The following CD55 variants were observed in gnomAD, a reference collection of about 807,000 sequenced individuals.
The protein encoded by CD55 is CD55 molecule (Cromer blood group).
Under a neutral mutation model 45.8 loss-of-function variants are expected in CD55, and 41 were observed. That is an observed-to-expected ratio of 0.90 (90% CI 0.70 to 1.16). The LOEUF (loss-of-function observed/expected upper bound fraction) is 1.16, where lower values mean the gene tolerates loss of function less well. Among genes scored for constraint, CD55 ranks in the 50% most tolerant of loss-of-function variants. The pLI is 0.00. For synonymous variants in CD55, 181 were observed against 181.1 expected, an observed-to-expected ratio of 1.00 and a Z score of 0.01; for missense variants, 416 against 469.8, an observed-to-expected ratio of 0.89 and a Z score of 1.06.
At chr1:207,337,627 G>T (rs930549825) in intron 8 of CD55, 30 of 387,290 alleles carry the variant, frequency 7.7e-5, no homozygotes, top group Non-Finnish European at 1.3e-4. Context: ...AAAGACTGTG[G>T]CCCCATTAAA....
Position 207,360,707 on chromosome 1 carries a change from A to T in CD55, c.*1097A>T, listed in dbSNP as rs933437992. The T allele has an allele frequency of 6.6e-6, 1 of 152,040 alleles. No homozygotes were observed. The highest frequency in any genetic ancestry group is 2.4e-5 in the African/African-American group (1 of 41,394). 9.4% of individuals were successfully genotyped at this position (152,040 alleles called of 1,614,324 possible). ...AGAGTATCTATATTACTTGTTACTGATTTACCTGAAGGCAATCTGATTAAT... is the reference window on the plus strand; with the variant it reads ...AGAGTATCTATATTACTTGTTACTGTTTTACCTGAAGGCAATCTGATTAAT... On this transcript the variant is annotated 3_prime_UTR_variant, in exon 10 of 10. Coordinates refer to ENST00000367064, the MANE Select transcript of CD55 (RefSeq NM_000574.5).
At chr1:207,330,054 A>G (rs576923028) in intron 5 of CD55, among the ~76,000 whole-genome samples, 6 of 152,106 alleles carry the variant, frequency 3.9e-5, no homozygotes, top group African/African-American at 1.4e-4. Context: ...ACTAGCTTTT[A>G]AGACATAGGA....
At chr1:207,331,452 T>TA (rs1654942537) in intron 6 of CD55, among the ~76,000 whole-genome samples, 156 bp downstream of exon 6, 1 of 149,870 alleles carries the variant, frequency 6.7e-6, no homozygotes, top group Admixed American at 6.7e-5. Flanking sequence ...CTACAGCTTC[T>TA]CAGAAGGGTC....
intron 9 of CD55, among the ~76,000 whole-genome samples, chr1:207,344,989 T>A (rs1373689224): frequency 2.6e-5 from 4 of 152,192 alleles, no homozygotes; most frequent in African/African-American, 9.7e-5. Flanking sequence ...GTGCTGGGAT[T>A]ACAGGCATGA....
At chr1:207,323,490 C>G (rs1018856757) in intron 2 of CD55, among the ~76,000 whole-genome samples, 6 of 152,020 alleles carry the variant, frequency 3.9e-5, no homozygotes, top group Admixed American at 6.5e-5. Flanking sequence ...GTCATCCACA[C>G]CTTATGTGCC....
chr1:207,322,128 C>A, intron 1 of CD55: 1 of 646,558 alleles, frequency 1.5e-6, no homozygotes, highest in South Asian at 1.8e-5. Context: ...GCAGCCAAGC[C>A]TGGCAAAATC....
Position 207,359,811 on chromosome 1 carries a change from C to A in CD55, c.*201C>A. 4.3e-6 allele frequency: 2 copies of A among 462,480 alleles called. No individual in the cohort carries two copies. The highest frequency in any genetic ancestry group is 7.2e-6 in the Non-Finnish European group (2 of 279,272). The allele number at this position is 462,480 out of a possible 1,614,324, so 28.6% of individuals were successfully genotyped here. A position where few individuals can be genotyped will look rare whatever the true frequency, so the allele number is the denominator to read the frequency against. On this transcript the variant is annotated 3_prime_UTR_variant, in exon 10 of 10. Coordinates refer to ENST00000367064, the MANE Select transcript of CD55 (RefSeq NM_000574.5). ...GAATCACATTCTTAGCACACCTACA[C>A]CTCTTGAAAATAGAACAACTTGCAG...
chr1:207,341,819 C>T (rs949527638), intron 9 of CD55, among the ~76,000 whole-genome samples: 1 of 151,468 alleles, frequency 6.6e-6, no homozygotes, highest in Non-Finnish European at 1.5e-5. Flanking sequence ...TGTACTGAAT[C>T]TTTAGATTGC....
chr1:207,324,699 C>G lies in CD55; in HGVS notation c.427C>G (p.Leu143Val), dbSNP rs1304361116. ...AAGAGAACCTTCTCTATCACCAAAA[C>G]TAACTTGCCTTCAGAATTTAAAATG... ...YRREPSLSPK[L>V]TCLQNLKWST... is the part of the protein sequence containing the mutation. Residue 143 changes from leucine (L) to valine (V), a missense_variant, in exon 3 of 10, where the codon CTA becomes GTA. Physicochemically the swap from Leu to Val is conservative, Grantham distance 32 (BLOSUM62 1). Around this residue, in one of 3 missense-constraint regions of CD55, gnomAD observed 111 missense variants for 163.4 expected, o/e 0.68. Transcript: ENST00000367064. 1.2e-6 allele frequency: 2 copies of G among 1,613,514 alleles called. No individual in the cohort carries two copies. The highest frequency in any genetic ancestry group is 8.5e-7 in the Non-Finnish European group (1 of 1,179,748).
chr1:207,360,388 TTATTTA>T lies in CD55; in HGVS notation c.*780_*785del, dbSNP rs1656253118. The stretch of plus-strand genomic sequence containing the variant: ...ATTCTTTTGTAATATTTATTTATAT[TTATTTA>T]TGACAGTGAACATTCTGATTTTACA... On this transcript the variant is annotated 3_prime_UTR_variant, in exon 10 of 10. Coordinates refer to ENST00000367064, the MANE Select transcript of CD55 (RefSeq NM_000574.5). The T allele has an allele frequency of 6.6e-6, 1 of 152,150 alleles. No homozygotes were observed. Among genetic ancestry groups the T allele is most frequent in the Non-Finnish European group, 1.5e-5 (1 of 67,998 alleles). The allele number at this position is 152,150 out of a possible 1,614,324, so 9.4% of individuals were successfully genotyped here. A position where few individuals can be genotyped will look rare whatever the true frequency, so the allele number is the denominator to read the frequency against.
chr1:207,323,974 C>G (rs1357144317), intron 2 of CD55, among the ~76,000 whole-genome samples: 2 of 152,192 alleles, frequency 1.3e-5, no homozygotes, highest in Non-Finnish European at 2.9e-5. Flanking sequence ...GATGACCCTT[C>G]CACTTGACCA....
chr1:207,347,903 GACATGATTTCATTCC>G (rs1171376886), intron 9 of CD55, among the ~76,000 whole-genome samples: 1 of 152,134 alleles, frequency 6.6e-6, no homozygotes, highest in African/African-American at 2.4e-5. Context: ...TACTGCAAAG[GACATGATTTCATTCC>G]TTTCTATGTT....
chr1:207,340,509 G>T, intron 9 of CD55: 1 of 695,982 alleles, frequency 1.4e-6, no homozygotes, highest in Non-Finnish European at 2.6e-6. Context: ...GGTACTACAG[G>T]TGTGTGCCAC....
chr1:207,347,924 ATGTT>A (rs1250012758), intron 9 of CD55, among the ~76,000 whole-genome samples: 2 of 152,106 alleles, frequency 1.3e-5, no homozygotes, highest in African/African-American at 4.8e-5. Context: ...ATTCCTTTCT[ATGTT>A]TGTGTAATAT....
At chr1:207,329,248 A>G (rs1209754319) in intron 5 of CD55, among the ~76,000 whole-genome samples, 2 of 152,164 alleles carry the variant, frequency 1.3e-5, no homozygotes, top group Non-Finnish European at 2.9e-5. Flanking sequence ...CATCCCACCA[A>G]CAGGGGAGAA....
chr1:207,350,080 G>T lies in CD55; in HGVS notation c.1082-9466G>T, dbSNP rs147641750. 6.6e-6 allele frequency: 3 copies of T among 453,818 alleles called. No homozygotes were observed. The East Asian group carries it at 2.1e-4, about 32-fold the overall frequency. The allele number at this position is 453,818 out of a possible 1,614,324, so 28.1% of individuals were successfully genotyped here. On this transcript the variant is annotated intron_variant, in intron 9 of 9. Transcript: ENST00000367064. ...CTTTTAACATGAAGGGATGTTGAAT[G>T]TTGTCAAAAGCCTTTTCTACAACAA...
At chr1:207,350,720 T>G (rs1655834849) in intron 9 of CD55, among the ~76,000 whole-genome samples, 1 of 152,122 alleles carries the variant, frequency 6.6e-6, no homozygotes, top group African/African-American at 2.4e-5. Context: ...TCATCTGAGA[T>G]TGTGTTTATT....
At chr1:207,324,802 A>G in intron 3 of CD55, 52 bp downstream of exon 3, 1 of 1,129,464 alleles carries the variant, frequency 8.9e-7, no homozygotes, top group East Asian at 2.4e-5. Flanking sequence ...TGGGGGAAAT[A>G]GTATCCCTTC....
chr1:207,324,793 G>C (rs1654598368), intron 3 of CD55, 43 bp downstream of exon 3: 2 of 1,228,590 alleles, frequency 1.6e-6, no homozygotes, highest in Non-Finnish European at 2.4e-6. Context: ...TCTGGTGTTT[G>C]GGGGAAATAG....
Sources: allele counts gnomAD v4.1 joint callset (sites outside exome capture counted in the v4.1 genomes callset), GRCh38; gene constraint gnomAD v4.1.1; regional missense constraint gnomAD v4.1.1; transcripts MANE v1.5; gene names NCBI Gene and HGNC (gene_info 2026-07-23, HGNC 2026-07-21).